ZCCHC10: variants seen among roughly 807,000 people sequenced by gnomAD.
ZCCHC10 encodes zinc finger CCHC domain-containing protein 10.
In ZCCHC10, 16 loss-of-function variants were observed where a neutral mutation model predicts 19.5. The ratio of observed to expected loss-of-function variants is 0.82; its 90% CI spans 0.56 to 1.25. The LOEUF is 1.25. Among genes scored for constraint, ZCCHC10 ranks in the 50% most tolerant of loss-of-function variants. ZCCHC10 has a pLI of 0.00. For synonymous variants in ZCCHC10, 67 were observed against 72.5 expected (o/e 0.92, Z 0.38); for missense variants, 197 against 201.0 (o/e 0.98, Z 0.12).
chr5:133,021,057 C>T (rs10064217), intron 2 of ZCCHC10, among the ~76,000 whole-genome samples: 34,515 of 151,752 alleles, frequency 0.23, 4,058 homozygotes, highest in Non-Finnish European at 0.25. Flanking sequence ...CCACCATGCC[C>T]GGCTAATTTT....
At chr5:133,007,025 G>A (rs1763166370) in intron 2 of ZCCHC10, 105 bp from the exon 3 acceptor site, 1 of 1,090,744 alleles carries the variant, frequency 9.2e-7, no homozygotes. Context: ...TACTCTTATG[G>A]TCCAATTCAT....
chr5:133,016,700 C>A (rs1190077560), intron 2 of ZCCHC10, among the ~76,000 whole-genome samples: 2 of 152,168 alleles, frequency 1.3e-5, no homozygotes, highest in Non-Finnish European at 2.9e-5. Context: ...GCCTCAGCCT[C>A]CCAAAGTGCT....
intron 2 of ZCCHC10, among the ~76,000 whole-genome samples, chr5:133,014,154 C>CTTTTT (rs767551153): frequency 1.8e-5 from 2 of 113,070 alleles, no homozygotes; most frequent in East Asian, 2.5e-4. Flanking sequence ...ACTATTTACT[C>CTTTTT]TTTTTTTTTT....
intron 1 of ZCCHC10, among the ~76,000 whole-genome samples, chr5:133,023,876 A>G (rs1764497338): frequency 6.6e-6 from 1 of 152,202 alleles, no homozygotes; most frequent in African/African-American, 2.4e-5. Flanking sequence ...TGTAAATAAA[A>G]TTAAACCTTT....
At chr5:133,009,156 T>C (rs1763330702) in intron 2 of ZCCHC10, among the ~76,000 whole-genome samples, 2 of 152,094 alleles carry the variant, frequency 1.3e-5, no homozygotes, top group East Asian at 2.0e-4. Flanking sequence ...GCATGCACTA[T>C]CACGCCCGGC....
In ZCCHC10 at chr5:133,000,163, T is replaced by C. The variant is rs769462529; in HGVS notation, c.280A>G (p.Thr94Ala). 6 of 1,613,962 alleles carry C rather than the reference T, an allele frequency of 3.7e-6. No homozygotes were observed. Among genetic ancestry groups the C allele is most frequent in the Non-Finnish European group, 5.1e-6 (6 of 1,180,016 alleles). Residue 94 changes from threonine (T) to alanine (A), a missense_variant, in exon 4 of 5, where the codon ACC (threonine) becomes GCC (alanine). Physicochemically the swap from Thr to Ala is moderately conservative, Grantham distance 58. Coordinates refer to ENST00000509437, the MANE Select transcript of ZCCHC10 (RefSeq NM_001300816.3). ...TTCTTGGCCTTTCTTTCTACATTGG[T>C]TTCTCCAATGCTGATAAACACGAGG... ...RLLLQQSIGE[T>A]NVERKAKKKR...
intron 2 of ZCCHC10, among the ~76,000 whole-genome samples, chr5:133,015,962 A>G (rs963172676): frequency 4.6e-5 from 7 of 152,174 alleles, no homozygotes; most frequent in African/African-American, 1.7e-4. Context: ...CATTTTATTC[A>G]ATGGGTTATA....
chr5:133,007,012 G>T, intron 2 of ZCCHC10, 92 bp from the exon 3 acceptor site: 1 of 1,237,570 alleles, frequency 8.1e-7, no homozygotes, highest in Non-Finnish European at 1.1e-6. Flanking sequence ...ATAAAATTAT[G>T]TTTACTCTTA....
intron 2 of ZCCHC10, among the ~76,000 whole-genome samples, chr5:133,010,936 C>T (rs1285014405): frequency 6.7e-6 from 1 of 149,624 alleles, no homozygotes; most frequent in African/African-American, 2.4e-5. Flanking sequence ...GGATTACAGG[C>T]GCCTGCCACC....
intron 3 of ZCCHC10, among the ~76,000 whole-genome samples, chr5:133,006,036 A>AAATCAGCCAGGCATCGGCCTCCCAAAGTG (rs1162492399): frequency 2.8e-5 from 4 of 141,364 alleles, no homozygotes; most frequent in Admixed American, 7.4e-5. Context: ...CCAGTCGGGA[A>AAATCAGCCAGGCATCGGCCTCCCAAAGTG]TGCAGTGGCA....
At chr5:133,014,118 C>A (rs941721980) in intron 2 of ZCCHC10, among the ~76,000 whole-genome samples, 1 of 150,184 alleles carries the variant, frequency 6.7e-6, no homozygotes, top group Non-Finnish European at 1.5e-5. Flanking sequence ...CAATCAAAAT[C>A]AAGAAATTAA....
chr5:133,014,056 C>T (rs1044450602), intron 2 of ZCCHC10, among the ~76,000 whole-genome samples: 2 of 151,962 alleles, frequency 1.3e-5, no homozygotes, highest in Admixed American at 6.6e-5. Flanking sequence ...CCTCATCAAC[C>T]CAGAATATTT....
rs185496898 is a variant in ZCCHC10 at position 133,011,164 on chromosome 5, C to A, written c.108-4244G>T. On this transcript the variant is annotated intron_variant, in intron 2 of 4. Coordinates refer to ENST00000509437, the MANE Select transcript of ZCCHC10 (RefSeq NM_001300816.3). ...AAGAGGTCTCACTAAGTTGCCCCGGCTGGTCTTGAACTCCTGGGCTCAAGC... is the reference window on the plus strand; with the variant it reads ...AAGAGGTCTCACTAAGTTGCCCCGGATGGTCTTGAACTCCTGGGCTCAAGC... Among the ~76,000 whole-genome samples, 657 of 151,916 alleles carry A rather than the reference C, an allele frequency of 4.3e-3. 4 individuals are homozygous for A. Among genetic ancestry groups the A allele is most frequent in the African/African-American group, 0.015 (626 of 41,458 alleles).
chr5:133,017,117 T>C (rs1270200901), intron 2 of ZCCHC10, among the ~76,000 whole-genome samples: 1 of 152,150 alleles, frequency 6.6e-6, no homozygotes, highest in East Asian at 1.9e-4. Context: ...GTGGACACCT[T>C]TGACCCAGCT....
At position 133,017,795 on chromosome 5, in the gene ZCCHC10, G is replaced by C. The variant is rs74604434; in HGVS notation, c.107+5046C>G. 3.5e-3 allele frequency among the ~76,000 whole-genome samples: 535 copies of C among 152,234 alleles called. 2 individuals are homozygous for C. Among genetic ancestry groups the C allele is most frequent in the Middle Eastern group, 0.02 (6 of 294 alleles). ...TAAATTACAGCTTCATTTAACATAA[G>C]ATATAAGATAGACTCAAAACAATCC... On this transcript the variant is annotated intron_variant, in intron 2 of 4. Transcript: ENST00000509437.
chr5:133,013,396 T>C (rs1279235861), intron 2 of ZCCHC10, among the ~76,000 whole-genome samples: 1 of 150,312 alleles, frequency 6.7e-6, no homozygotes, highest in East Asian at 2.0e-4. Flanking sequence ...AGACTAAAAA[T>C]AAAAACTAGT....
At chr5:133,023,952 C>T (rs66489214) in intron 1 of ZCCHC10, among the ~76,000 whole-genome samples, 7,500 of 152,150 alleles carry the variant, frequency 0.049, 562 homozygotes, top group East Asian at 0.29. Context: ...TCTTGGACTT[C>T]GCAAGCCTCT....
At chr5:133,005,842 GAT>G (rs1380118363) in intron 3 of ZCCHC10, among the ~76,000 whole-genome samples, 14 of 152,066 alleles carry the variant, frequency 9.2e-5, no homozygotes, top group Admixed American at 9.2e-4. Context: ...TATGAATGTT[GAT>G]AATCTAGAAA....
intron 3 of ZCCHC10, among the ~76,000 whole-genome samples, chr5:133,003,929 C>T (rs1027623122): frequency 6.6e-5 from 10 of 151,360 alleles, no homozygotes; most frequent in South Asian, 2.1e-4. Context: ...AGGATGGTCT[C>T]GAACTCCTGA....
Sources: gnomAD v4.1 joint callset for allele counts (sites outside exome capture counted in the v4.1 genomes callset) on GRCh38, gnomAD v4.1.1 for gene constraint, MANE v1.5 for transcripts, NCBI Gene and HGNC (gene_info 2026-07-23, HGNC 2026-07-21) for gene names.